Variants in CFAP46 observed in about 807,000 individuals in gnomAD.
CFAP46 encodes cilia- and flagella-associated protein 46.
In CFAP46, 245 loss-of-function variants were observed where a neutral mutation model predicts 325.7. The ratio of observed to expected loss-of-function variants is 0.75; its 90% CI spans 0.68 to 0.84. The LOEUF (loss-of-function observed/expected upper bound fraction) is 0.84. CFAP46 is among the 40% of genes least tolerant of loss of function. The pLI, the probability that CFAP46 is intolerant of heterozygous loss-of-function variation, is 0.00. For synonymous variants in CFAP46, 1,523 were observed against 1,495.9 expected (o/e 1.02, Z -0.42); for missense variants, 3,346 against 3,543.0 (o/e 0.94, Z 1.41).
intron 25 of CFAP46, among the ~76,000 whole-genome samples, chr10:132,891,935 C>T (rs757956036): frequency 2.5e-4 from 38 of 152,232 alleles, no homozygotes; most frequent in Non-Finnish European, 1.2e-4. Context: ...CTGCCTGTAA[C>T]TCCTGTTCCC....
intron 25 of CFAP46, among the ~76,000 whole-genome samples, chr10:132,887,258 C>A: frequency 9.0e-6 from 1 of 110,780 alleles, no homozygotes; most frequent in African/African-American, 4.3e-5. Flanking sequence ...TCCTCTCTCG[C>A]TTCTCTCTCT....
At chr10:132,821,126 TGTGCTGATGTGTGCTGTGTGA>T (rs1847804900) in intron 50 of CFAP46, among the ~76,000 whole-genome samples, 8 of 72,484 alleles carry the variant, frequency 1.1e-4, no homozygotes, top group African/African-American at 1.5e-4. Flanking sequence ...GTGCTGTGTG[TGTGCTGATGTGTGCTGTGTGA>T]GTGCTGATGT....
intron 17 of CFAP46, among the ~76,000 whole-genome samples, chr10:132,914,880 T>C (rs1367510402): frequency 6.6e-6 from 1 of 152,212 alleles, no homozygotes; most frequent in African/African-American, 2.4e-5. Context: ...CGCTCCACAC[T>C]GTGAAGCGCC....
chr10:132,876,883 C>T lies in CFAP46; in HGVS notation c.4291G>A (p.Glu1431Lys), dbSNP rs975270570. Residue 1431 changes from glutamate (E) to lysine (K), a missense_variant, in exon 31 of 58, where the codon GAG becomes AAG. Transcript: ENST00000368586. The surrounding 1 kb of genome is among the most constrained non-coding windows in gnomAD (Gnocchi z 4.1). ...TGTTTCAGTACAGACAGCACTTCCTCGGGGCAGGAGTAGGAAGCCCACTCT... is the reference window on the plus strand; with the variant it reads ...TGTTTCAGTACAGACAGCACTTCCTTGGGGCAGGAGTAGGAAGCCCACTCT... ...IEEWASYSCP[E>K]EVLSVLKQDR... 26 of 1,550,390 alleles carry T rather than the reference C, an allele frequency of 1.7e-5. No homozygotes were observed. The highest frequency in any genetic ancestry group is 2.0e-5 in the Admixed American group (1 of 50,980).
intron 8 of CFAP46, among the ~76,000 whole-genome samples, chr10:132,931,570 TC>T (rs1233747129): frequency 9.2e-6 from 1 of 108,618 alleles, no homozygotes. Context: ...GCCTGGGCCT[TC>T]CTCCTCCCCA....
At chr10:132,938,552 C>T in intron 5 of CFAP46, 37 bp downstream of exon 5, 1 of 1,601,942 alleles carries the variant, frequency 6.2e-7, no homozygotes, top group Non-Finnish European at 8.5e-7. Context: ...GGGCGGCCCA[C>T]CGGGAGGCCA....
intron 47 of CFAP46, 71 bp downstream of exon 47, chr10:132,835,233 C>A: frequency 1.9e-6 from 3 of 1,577,028 alleles, no homozygotes; most frequent in South Asian, 2.3e-5. Context: ...CCCACCTCGC[C>A]AGGGTCCTGG....
intron 8 of CFAP46, 124 bp from the exon 9 acceptor site, chr10:132,929,928 A>G: frequency 1.4e-6 from 1 of 718,950 alleles, no homozygotes; most frequent in Non-Finnish European, 2.2e-6. Flanking sequence ...AGAAATAAAT[A>G]AAATTAAGTT....
intron 24 of CFAP46, among the ~76,000 whole-genome samples, chr10:132,895,101 G>A (rs771537602): frequency 2.6e-5 from 4 of 152,150 alleles, no homozygotes; most frequent in Admixed American, 6.5e-5. Flanking sequence ...TTAAAAAGAT[G>A]ACTTATAATG....
intron 9 of CFAP46, chr10:132,929,435 C>A (rs752545868): frequency 1.0e-5 from 7 of 702,064 alleles, no homozygotes. Context: ...AAATTTTACG[C>A]CGTCCGTAAA....
At chr10:132,925,548 A>G (rs1043365799) in intron 10 of CFAP46, among the ~76,000 whole-genome samples, 1 of 152,278 alleles carries the variant, frequency 6.6e-6, no homozygotes, top group Non-Finnish European at 1.5e-5. Context: ...CGCCACAGCC[A>G]CAAGCAGCCT....
Position 132,832,737 on chromosome 10 carries a change from T to C in CFAP46, c.7117+621A>G. 2.1e-6 allele frequency: 1 copy of C among 471,130 alleles called. No individual in the cohort carries two copies. Among genetic ancestry groups the C allele is most frequent in the Non-Finnish European group, 4.4e-6 (1 of 226,920 alleles). The allele number at this position is 471,130 out of a possible 1,614,324, so 29.2% of individuals were successfully genotyped here. A position where few individuals can be genotyped will look rare whatever the true frequency, so the allele number is the denominator to read the frequency against. ...GCACAGCCAGCACTCAGTCACAGAA[T>C]GTCATCACCCCCGAATCCCAGCCGA... On this transcript the variant is annotated intron_variant, in intron 50 of 57. Coordinates refer to ENST00000368586, the MANE Select transcript of CFAP46 (RefSeq NM_001200049.3). The surrounding 1 kb of genome is among the most constrained non-coding windows in gnomAD (Gnocchi z 4.1).
intron 33 of CFAP46, among the ~76,000 whole-genome samples, chr10:132,867,726 G>A (rs1004062551): frequency 6.6e-6 from 1 of 152,216 alleles, no homozygotes; most frequent in Non-Finnish European, 1.5e-5. Flanking sequence ...GTCATGTCCA[G>A]CTGCTGTTTG....
At chr10:132,904,380 C>A (rs1466913248) in intron 22 of CFAP46, among the ~76,000 whole-genome samples, 1 of 130,206 alleles carries the variant, frequency 7.7e-6, no homozygotes, top group South Asian at 2.5e-4. Context: ...CAACACTGCG[C>A]CCAGGGCAGA....
At chr10:132,926,469 G>T in intron 10 of CFAP46, 99 bp downstream of exon 10, 1 of 870,362 alleles carries the variant, frequency 1.1e-6, no homozygotes, top group Non-Finnish European at 1.8e-6. Flanking sequence ...TCCAGGCCAT[G>T]TCCCCAGCAC....
chr10:132,855,500 G>A (rs1848628371), intron 39 of CFAP46, among the ~76,000 whole-genome samples: 2 of 152,216 alleles, frequency 1.3e-5, no homozygotes, highest in Non-Finnish European at 2.9e-5. Context: ...AACTGAGGGT[G>A]TTCTGATTAT....
chr10:132,912,617 CT>C (rs1564798501), intron 19 of CFAP46, 37 bp downstream of exon 19: 2 of 1,486,402 alleles, frequency 1.3e-6, no homozygotes, highest in African/African-American at 2.8e-5. Context: ...CTCTCTCTCT[CT>C]CTCTCTCTCT....
intron 39 of CFAP46, among the ~76,000 whole-genome samples, chr10:132,854,673 A>G (rs1017580878): frequency 2.0e-5 from 3 of 152,158 alleles, no homozygotes; most frequent in African/African-American, 7.2e-5. Context: ...TAAAAGTCAC[A>G]TAACACAAAA....
intron 50 of CFAP46, among the ~76,000 whole-genome samples, chr10:132,816,420 C>G (rs2134786821): frequency 6.6e-6 from 1 of 151,580 alleles, no homozygotes; most frequent in Non-Finnish European, 1.5e-5. Flanking sequence ...CAAGCTCCAC[C>G]TCCCGGGTTC....
Sources: gnomAD v4.1 joint callset for allele counts (sites outside exome capture counted in the v4.1 genomes callset) on GRCh38, gnomAD v4.1.1 for gene constraint, Gnocchi (gnomAD v3.1) non-coding constraint, MANE v1.5 for transcripts, NCBI Gene and HGNC (gene_info 2026-07-23, HGNC 2026-07-21) for gene names.